The following CTSB variants were observed in gnomAD, a reference collection of about 807,000 sequenced individuals.
The protein encoded by CTSB is cathepsin B, also known as APP secretase.
Under a neutral mutation model 44.3 loss-of-function variants are expected in CTSB, and 57 were observed. That is an observed-to-expected ratio of 1.29 (90% CI 1.04 to 1.60). CTSB has a LOEUF of 1.60. Among genes scored for constraint, CTSB ranks in the 40% most tolerant of loss-of-function variants. The probability of loss-of-function intolerance (pLI) is 0.00; values close to 1 mark genes in which losing one functional copy is unlikely to be tolerated. For missense variants in CTSB, 768 were observed against 443.0 expected (o/e 1.73, Z -6.59); for synonymous variants, 320 against 168.0 (o/e 1.91, Z -7.00).
chr8:11,849,220 A>G, intron 4 of CTSB, 56 bp from the exon 5 acceptor site: 5 of 1,459,426 alleles, frequency 3.4e-6, no homozygotes, highest in Non-Finnish European at 4.8e-6. Flanking sequence ...GGCCCTCTGC[A>G]GCAGTCCCCT....
At chr8:11,866,438 A>G (rs1563443832) in intron 1 of CTSB, among the ~76,000 whole-genome samples, 1 of 152,226 alleles carries the variant, frequency 6.6e-6, no homozygotes, top group Admixed American at 6.5e-5. Flanking sequence ...ACCCCCAGCT[A>G]GAGGACAAAT....
chr8:11,867,507 G>C (rs1322744472), intron 1 of CTSB: 2 of 152,416 alleles, frequency 1.3e-5, no homozygotes, highest in South Asian at 2.1e-4. Flanking sequence ...ATCTTGCGCA[G>C]AAAGTTGGCC....
chr8:11,852,566 G>C (rs767958571), intron 3 of CTSB, 44 bp downstream of exon 3: 12 of 1,531,256 alleles, frequency 7.8e-6, no homozygotes, highest in African/African-American at 1.4e-5. Flanking sequence ...CCAAACCAAC[G>C]CCTGCCACTC....
At chr8:11,848,041 GA>G (rs1813777189) in intron 6 of CTSB, 25 bp downstream of exon 6, 3 of 1,562,184 alleles carry the variant, frequency 1.9e-6, no homozygotes, top group African/African-American at 2.7e-5. Flanking sequence ...CATCTGGCCA[GA>G]AAGTGGCCAA....
intron 8 of CTSB, 95 bp from the exon 9 acceptor site, chr8:11,845,884 G>GAAAC (rs1813227505): frequency 1.4e-6 from 2 of 1,421,554 alleles, no homozygotes; most frequent in African/African-American, 2.9e-5. Flanking sequence ...CCGGGAAGGA[G>GAAAC]AAACAGCTTC....
At chr8:11,853,635 GC>G in intron 1 of CTSB, 156 bp from the exon 2 acceptor site, 4 of 701,678 alleles carry the variant, frequency 5.7e-6, no homozygotes, top group Non-Finnish European at 8.8e-6. Context: ...TGGGATCCCC[GC>G]CCCCCTGCCC....
At chr8:11,847,621 G>T in intron 7 of CTSB, 58 bp downstream of exon 7, 2 of 1,489,080 alleles carry the variant, frequency 1.3e-6, no homozygotes, top group Non-Finnish European at 1.8e-6. Context: ...AGCGTGAGGA[G>T]GGATGCAGCA....
At chr8:11,847,194 T>A (rs766803512) in intron 7 of CTSB, 26 bp from the exon 8 acceptor site, 1 of 1,491,108 alleles carries the variant, frequency 6.7e-7, no homozygotes, top group African/African-American at 1.4e-5. Flanking sequence ...AGCTCGGGGT[T>A]GGGGAGGGCA....
chr8:11,845,196 C>A lies in CTSB; in HGVS notation c.949G>T (p.Asp317Tyr). 1 of 1,613,798 alleles carries A rather than the reference C, an allele frequency of 6.2e-7. No homozygotes were observed. Among genetic ancestry groups the A allele is most frequent in the Non-Finnish European group, 8.5e-7 (1 of 1,179,696 alleles). The change falls in exon 10 of 10, where the codon GAT becomes TAT. Residue 317 changes from aspartate to tyrosine, a missense_variant. Physicochemically the swap from Asp to Tyr is radical, Grantham distance 160. Transcript: ENST00000353047. ...NGFFKILRGQ[D>Y]HCGIESEVVA... is the part of the protein sequence containing the mutation. ...ACTTCTGATTCGATTCCACAGTGAT[C>A]CTGTCCTCTGAGTATTTTAAAGAAG...
In CTSB at chr8:11,845,170, C is replaced by G. The variant is rs748846718; in HGVS notation, c.975G>C (p.Val325=). 5.0e-6 allele frequency: 8 copies of G among 1,614,010 alleles called. No individual in the cohort carries two copies. Among genetic ancestry groups the G allele is most frequent in the Middle Eastern group, 1.6e-4 (1 of 6,084 alleles). ...GATCGGTGCGTGGAATTCCAGCCAC[C>G]ACTTCTGATTCGATTCCACAGTGAT... is the stretch of plus-strand genomic sequence containing the variant. ...GQDHCGIESE[V]VAGIPRTDQY... is the part of the protein sequence containing the mutation. The change falls in exon 10 of 10, where the codon GTG becomes GTC. Residue 325 remains valine, a synonymous_variant. Coordinates refer to ENST00000353047, the MANE Select transcript of CTSB (RefSeq NM_001908.5).
rs1346548901 is a variant in CTSB, at chr8:11,845,073, C to T, written c.*52G>A. 2.5e-6 allele frequency: 3 copies of T among 1,201,910 alleles called. No homozygotes were observed. Among genetic ancestry groups the T allele is most frequent in the South Asian group, 1.2e-5 (1 of 81,924 alleles). The allele number at this position is 1,201,910 out of a possible 1,614,324, so 74.5% of individuals were successfully genotyped here. A position where few individuals can be genotyped will look rare whatever the true frequency, so the allele number is the denominator to read the frequency against. On this transcript the variant is annotated 3_prime_UTR_variant, in exon 10 of 10. Coordinates refer to ENST00000353047, the MANE Select transcript of CTSB (RefSeq NM_001908.5). Reference sequence around the variant, plus strand: ...TTACGTGAACTTAAAGAATAAAATGCATTTCTACCCCGATCTCGCCCCCAG... The same window carrying T: ...TTACGTGAACTTAAAGAATAAAATGTATTTCTACCCCGATCTCGCCCCCAG...
Position 11,845,753 on chromosome 8 carries a change from C to G in CTSB, c.830G>C (p.Gly277Ala). ...CCAGCCCAGGATGCGGATGGCATGG[C>G]CACCCATCATCTCTCCGGTGACGTG... is the stretch of plus-strand genomic sequence containing the variant. ...YQHVTGEMMG[G>A]HAIRILGWGV... The change falls in exon 9 of 10, where the codon GGC (glycine) becomes GCC (alanine). Residue 277 changes from glycine to alanine, a missense_variant. Coordinates refer to ENST00000353047, the MANE Select transcript of CTSB (RefSeq NM_001908.5). 1 of 1,614,042 alleles carries G rather than the reference C, an allele frequency of 6.2e-7. No individual in the cohort carries two copies. The highest frequency in any genetic ancestry group is 8.5e-7 in the Non-Finnish European group (1 of 1,179,940).
Position 11,845,147 on chromosome 8 carries a change from T to C in CTSB, c.998A>G (p.Asp333Gly). The C allele has an allele frequency of 6.2e-7, 1 of 1,613,524 alleles. No individual in the cohort carries two copies. Among genetic ancestry groups the C allele is most frequent in the South Asian group, 1.1e-5 (1 of 91,066 alleles). ...AGATTAGATCTTTTCCCAGTACTGA[T>C]CGGTGCGTGGAATTCCAGCCACCAC... ...SEVVAGIPRT[D>G]QYWEKI The change falls in exon 10 of 10, where the codon GAT (aspartate) becomes GGT (glycine). Residue 333 changes from aspartate to glycine, a missense_variant. Transcript: ENST00000353047.
chr8:11,861,945 C>T lies in CTSB; in HGVS notation c.-26+6056G>A, dbSNP rs372436764. 7.2e-5 allele frequency among the ~76,000 whole-genome samples: 11 copies of T among 152,182 alleles called. No homozygotes were observed. In the South Asian group the frequency reaches 8.3e-4, roughly 11 times the overall value. On this transcript the variant is annotated intron_variant, in intron 1 of 9. Coordinates refer to ENST00000353047, the MANE Select transcript of CTSB (RefSeq NM_001908.5). The stretch of plus-strand genomic sequence containing the variant: ...GCTCTGGGCCGGGCATGCTGGCTCA[C>T]GCCTGTAATCCCAGTACTTTGGGAG...
chr8:11,847,681 T>G lies in CTSB; in HGVS notation c.674A>C (p.Tyr225Ser). Residue 225 changes from tyrosine to serine, a missense_variant and splice_region_variant, in exon 7 of 10, where the codon TAC (tyrosine) becomes TCC (serine). By Grantham distance (144) the Tyr-to-Ser change is moderately radical. Transcript: ENST00000353047. ...YSPTYKQDKH[Y>S]GYNSYSVSNS... ...TGGCCAGGCCCCAGGCCCCTTACCGTAGTGCTTGTCCTGTTTGTAGGTCGG... is the reference window on the plus strand; with the variant it reads ...TGGCCAGGCCCCAGGCCCCTTACCGGAGTGCTTGTCCTGTTTGTAGGTCGG... 1 of 1,550,778 alleles carries G rather than the reference T, an allele frequency of 6.4e-7. No individual in the cohort carries two copies. The highest frequency in any genetic ancestry group is 2.1e-5 in the Admixed American group (1 of 47,104).
In CTSB at chr8:11,844,568, G is replaced by A. The variant is rs980647529; in HGVS notation, c.*557C>T. The A allele has an allele frequency of 2.6e-5, 4 of 152,836 alleles. No homozygotes were observed. The highest frequency in any genetic ancestry group is 4.8e-5 in the African/African-American group (2 of 41,420). 9.5% of individuals were successfully genotyped at this position (152,836 alleles called of 1,614,324 possible). A position where few individuals can be genotyped will look rare whatever the true frequency, so the allele number is the denominator to read the frequency against. The stretch of plus-strand genomic sequence containing the variant: ...GGCTCACCCACATGATTAGCAGAGT[G>A]CACGAAAAAATAAAACTTCTATTAA... On this transcript the variant is annotated 3_prime_UTR_variant, in exon 10 of 10. Transcript: ENST00000353047.
intron 1 of CTSB, among the ~76,000 whole-genome samples, chr8:11,866,849 G>A (rs1586220165): frequency 6.6e-6 from 1 of 152,222 alleles, no homozygotes; most frequent in East Asian, 1.9e-4. Context: ...GACAGAGCCA[G>A]CCAACGCCCT....
chr8:11,857,619 A>G (rs964057781), intron 1 of CTSB, among the ~76,000 whole-genome samples: 1 of 151,910 alleles, frequency 6.6e-6, no homozygotes, highest in Non-Finnish European at 1.5e-5. Context: ...GTGGCTCTCA[A>G]CTCCTGGAGG....
At chr8:11,863,842 AC>A (rs1816748868) in intron 1 of CTSB, among the ~76,000 whole-genome samples, 1 of 152,186 alleles carries the variant, frequency 6.6e-6, no homozygotes, top group Non-Finnish European at 1.5e-5. Flanking sequence ...AATTGATGCA[AC>A]CACACTGGAG....
Sources: allele counts gnomAD v4.1 joint callset (sites outside exome capture counted in the v4.1 genomes callset), GRCh38; gene constraint gnomAD v4.1.1; transcripts MANE v1.5; gene names NCBI Gene and HGNC (gene_info 2026-07-23, HGNC 2026-07-21).